TENM2: variants seen among roughly 807,000 people sequenced by gnomAD.
TENM2 encodes teneurin transmembrane protein 2.
Under a neutral mutation model 245.2 loss-of-function variants are expected in TENM2, and 52 were observed. That is an observed-to-expected ratio of 0.21 (90% CI 0.17 to 0.27). The LOEUF (loss-of-function observed/expected upper bound fraction) is 0.27. Ranked by LOEUF, TENM2 falls within the 10% of genes least tolerant of loss-of-function variation. TENM2 has a pLI of 1.00. For missense variants in TENM2, 3,046 were observed against 3,666.8 expected, an observed-to-expected ratio of 0.83 and a Z score of 4.37; for synonymous variants, 1,363 against 1,438.9, an observed-to-expected ratio of 0.95 and a Z score of 1.19.
At chr5:168,051,481 A>G (rs906196164) in intron 6 of TENM2, among the ~76,000 whole-genome samples, 3 of 152,148 alleles carry the variant, frequency 2.0e-5, no homozygotes, top group Admixed American at 1.3e-4. Context: ...TTTGATGGCC[A>G]CTCTGTATCA....
chr5:167,653,528 G>C (rs1023508067), intron 2 of TENM2: 2 of 150,166 alleles, frequency 1.3e-5, no homozygotes, highest in African/African-American at 4.9e-5. Context: ...TTTTTCTTTT[G>C]CTTATATTTC....
intron 2 of TENM2, among the ~76,000 whole-genome samples, chr5:167,477,240 T>C (rs981948355): frequency 6.8e-6 from 1 of 147,332 alleles, no homozygotes; most frequent in African/African-American, 2.5e-5. Flanking sequence ...ACTAGAATTT[T>C]TTTTTTCTGT....
At chr5:167,297,145 C>T (rs1346230925) in intron 1 of TENM2, among the ~76,000 whole-genome samples, 2 of 152,220 alleles carry the variant, frequency 1.3e-5, no homozygotes, top group Admixed American at 6.5e-5. Flanking sequence ...TAACTGATGA[C>T]ATTTCAAGCT....
chr5:167,629,323 G>A (rs1301836094), intron 2 of TENM2, among the ~76,000 whole-genome samples: 1 of 152,166 alleles, frequency 6.6e-6, no homozygotes, highest in Non-Finnish European at 1.5e-5. Flanking sequence ...GCTATTAATA[G>A]TGCTTACTTC....
Position 168,247,239 on chromosome 5 carries a change from C to T in TENM2, c.6300C>T (p.Ile2100=), listed in dbSNP as rs553381775. 22 of 1,613,806 alleles carry T rather than the reference C, an allele frequency of 1.4e-5. No homozygotes were observed. Among genetic ancestry groups the T allele is most frequent in the African/African-American group, 5.3e-5 (4 of 74,894 alleles). Residue 2100 remains isoleucine, a synonymous_variant, in exon 27 of 29, where the codon ATC becomes ATT. Coordinates refer to ENST00000518659, the Ensembl canonical transcript of TENM2. This position sits in a 1 kb window ranked among gnomAD's most constrained non-coding sequence, Gnocchi z 7.8. The stretch of plus-strand genomic sequence containing the variant: ...CCTATCATGACAACAGCTTCCGCAT[C>T]GCAAGCATCAAGCCCGTCATAAGTG...
intron 2 of TENM2, among the ~76,000 whole-genome samples, chr5:167,454,320 C>G (rs376786510): frequency 6.6e-6 from 1 of 152,164 alleles, no homozygotes; most frequent in Non-Finnish European, 1.5e-5. Flanking sequence ...ATGAGAAGAA[C>G]AGCAGCTCAA....
the TENM2 span, among the ~76,000 whole-genome samples, chr5:167,210,407 A>G: frequency 6.6e-6 from 1 of 151,844 alleles, no homozygotes; most frequent in Admixed American, 6.5e-5. Context: ...GCCTAAATTA[A>G]TACTCATTCT....
intron 3 of TENM2, among the ~76,000 whole-genome samples, chr5:167,925,770 C>T (rs906967373): frequency 6.6e-6 from 1 of 152,152 alleles, no homozygotes; most frequent in Non-Finnish European, 1.5e-5. Flanking sequence ...AATACTATGC[C>T]GCCATGAGAA....
intron 2 of TENM2, among the ~76,000 whole-genome samples, chr5:167,559,962 G>A (rs117338033): frequency 2.0e-5 from 3 of 152,068 alleles, no homozygotes; most frequent in Admixed American, 6.6e-5. Flanking sequence ...TGGCTCTCAC[G>A]ACCAAGGCAA....
chr5:167,757,253 C>A (rs1310030060), intron 2 of TENM2, among the ~76,000 whole-genome samples: 1 of 151,712 alleles, frequency 6.6e-6, no homozygotes, highest in Admixed American at 6.6e-5. Context: ...CCTCCCACCC[C>A]CCAACAGGCC....
intron 7 of TENM2, among the ~76,000 whole-genome samples, chr5:168,089,534 A>T (rs1315432584): frequency 1.3e-5 from 2 of 152,174 alleles, no homozygotes; most frequent in African/African-American, 4.8e-5. Context: ...TCTGTCTCTC[A>T]TTAATCACTT....
chr5:167,619,671 C>T (rs1001643522), intron 2 of TENM2, among the ~76,000 whole-genome samples: 2 of 152,134 alleles, frequency 1.3e-5, no homozygotes, highest in African/African-American at 4.8e-5. Context: ...CTAGTAAAAG[C>T]ACTGGCCCTC....
At chr5:168,254,199 T>C (rs1205920199) in intron 27 of TENM2, among the ~76,000 whole-genome samples, 1 of 152,230 alleles carries the variant, frequency 6.6e-6, no homozygotes, top group Non-Finnish European at 1.5e-5. Context: ...AGGAGAGTCA[T>C]GAGCTATTAG....
chr5:167,979,535 A>G (rs563022735), intron 4 of TENM2, among the ~76,000 whole-genome samples: 4 of 152,304 alleles, frequency 2.6e-5, no homozygotes, highest in African/African-American at 9.6e-5. Context: ...ATATACATCC[A>G]CTGGGTTGCT....
chr5:167,225,296 G>C, the TENM2 span, among the ~76,000 whole-genome samples: 1 of 151,944 alleles, frequency 6.6e-6, no homozygotes, highest in African/African-American at 2.4e-5. Flanking sequence ...TGTTAGCTCT[G>C]GGTTTTTCAT....
chr5:167,423,426 T>C (rs1323122872), intron 2 of TENM2, among the ~76,000 whole-genome samples: 1 of 152,224 alleles, frequency 6.6e-6, no homozygotes, highest in East Asian at 1.9e-4. Flanking sequence ...CTAGATATTC[T>C]GTCCACTGTG....
chr5:168,067,892 C>T (rs868669469), intron 7 of TENM2, among the ~76,000 whole-genome samples: 16 of 152,240 alleles, frequency 1.1e-4, no homozygotes, highest in South Asian at 4.1e-4. Context: ...GCCCCTGATA[C>T]GAAGTTTCAT....
At chr5:168,156,655 T>C (rs930731454) in intron 12 of TENM2, among the ~76,000 whole-genome samples, 3 of 152,224 alleles carry the variant, frequency 2.0e-5, no homozygotes, top group African/African-American at 7.2e-5. Context: ...CATTACTTTG[T>C]TCATGCCTAA....
At chr5:167,963,806 G>T (rs892923461) in intron 4 of TENM2, among the ~76,000 whole-genome samples, 1 of 151,864 alleles carries the variant, frequency 6.6e-6, no homozygotes, top group Non-Finnish European at 1.5e-5. Context: ...TCTATGATGA[G>T]TACATTGGAG....
Sources: allele counts gnomAD v4.1 joint callset (sites outside exome capture counted in the v4.1 genomes callset), GRCh38; gene constraint gnomAD v4.1.1; non-coding constraint Gnocchi (gnomAD v3.1); transcripts MANE v1.5; gene names NCBI Gene and HGNC (gene_info 2026-07-23, HGNC 2026-07-21).